STK10: variants seen among roughly 807,000 people sequenced by gnomAD.
STK10 encodes serine/threonine kinase 10.
STK10 carries 78 observed loss-of-function variants against 113.8 expected under a neutral mutation model. That is an observed-to-expected ratio of 0.69 (90% CI 0.57 to 0.83). The LOEUF is 0.83. Ranked by LOEUF, STK10 falls within the 40% of genes least tolerant of loss-of-function variation. STK10 has a pLI of 0.00. For synonymous variants in STK10, 465 were observed against 494.7 expected, an observed-to-expected ratio of 0.94 and a Z score of 0.80; for missense variants, 1,109 against 1,280.1, an observed-to-expected ratio of 0.87 and a Z score of 2.04.
rs560934977 is a variant in STK10 at position 172,043,558 on chromosome 5, T to A, written c.*1324A>T. The A allele has an allele frequency of 3.3e-5, 5 of 152,344 alleles. No homozygotes were observed. Among genetic ancestry groups the A allele is most frequent in the African/African-American group, 9.6e-5 (4 of 41,572 alleles). The allele number at this position is 152,344 out of a possible 1,614,324, so 9.4% of individuals were successfully genotyped here. ...GGAGAAACCATACATTTTATAGTTG[T>A]TTCAATAAAATAATTAGAAATCAGG... On this transcript the variant is annotated 3_prime_UTR_variant, in exon 19 of 19. Coordinates refer to ENST00000176763, the MANE Select transcript of STK10 (RefSeq NM_005990.4).
chr5:172,076,350 C>T (rs1205866753), intron 12 of STK10, among the ~76,000 whole-genome samples: 1 of 83,008 alleles, frequency 1.2e-5, no homozygotes. Context: ...CTGTCCTGTG[C>T]GTTAGTTGTG....
intron 3 of STK10, 70 bp from the exon 4 acceptor site, chr5:172,117,700 C>T (rs1055567717): frequency 4.8e-5 from 76 of 1,584,648 alleles, no homozygotes; most frequent in Non-Finnish European, 5.8e-5. Flanking sequence ...GTCAGGCCCA[C>T]GCCAGGGAGA....
chr5:172,180,636 C>T (rs1351029324), intron 1 of STK10, among the ~76,000 whole-genome samples: 2 of 131,840 alleles, frequency 1.5e-5, no homozygotes, highest in African/African-American at 3.5e-5. Flanking sequence ...ACTAAAAATA[C>T]AACAACAACA....
In STK10 at chr5:172,136,937, T is replaced by C. The variant is rs373655746; in HGVS notation, c.322-9516A>G. On this transcript the variant is annotated intron_variant, in intron 2 of 18. Coordinates refer to ENST00000176763, the MANE Select transcript of STK10 (RefSeq NM_005990.4). Reference sequence around the variant, plus strand: ...GTTTGCTGCACCCATCAACCCATCATCTACATTAAATATTTCTCCTAATGC... The same window carrying C: ...GTTTGCTGCACCCATCAACCCATCACCTACATTAAATATTTCTCCTAATGC... 2.6e-5 allele frequency among the ~76,000 whole-genome samples: 4 copies of C among 152,150 alleles called. No individual in the cohort carries two copies. In the East Asian group the frequency reaches 7.7e-4, roughly 29 times the overall value.
At chr5:172,078,619 TAAAAAAAAA>T (rs58823824) in intron 12 of STK10, among the ~76,000 whole-genome samples, 6 of 72,878 alleles carry the variant, frequency 8.2e-5, no homozygotes, top group East Asian at 1.4e-3. Flanking sequence ...GCCTCATCAT[TAAAAAAAAA>T]AAAAAAAAAA....
chr5:172,182,140 TA>T (rs1047381285), intron 1 of STK10, among the ~76,000 whole-genome samples: 4 of 151,592 alleles, frequency 2.6e-5, no homozygotes, highest in African/African-American at 9.7e-5. Context: ...CCGTCTCTAC[TA>T]AAAATACAAA....
intron 2 of STK10, among the ~76,000 whole-genome samples, chr5:172,156,050 A>G (rs1379576683): frequency 6.6e-6 from 1 of 152,092 alleles, no homozygotes; most frequent in Non-Finnish European, 1.5e-5. Context: ...TGGCGCTTGA[A>G]GCTACAACCA....
intron 1 of STK10, among the ~76,000 whole-genome samples, chr5:172,174,166 T>C (rs1770711867): frequency 6.6e-6 from 1 of 151,982 alleles, no homozygotes; most frequent in Non-Finnish European, 1.5e-5. Flanking sequence ...TTTTTTGTTG[T>C]TGTTGTTGTT....
chr5:172,185,139 A>C (rs1399996109), intron 1 of STK10, among the ~76,000 whole-genome samples: 1 of 152,160 alleles, frequency 6.6e-6, no homozygotes, highest in Non-Finnish European at 1.5e-5. Context: ...TCTTACCAGC[A>C]TGAAAGCAAA....
chr5:172,076,628 T>C (rs1037414140), intron 12 of STK10, among the ~76,000 whole-genome samples: 4 of 152,248 alleles, frequency 2.6e-5, no homozygotes, highest in African/African-American at 7.2e-5. Context: ...ATATTGCCAA[T>C]TGGCCCCCAC....
chr5:172,144,840 A>C (rs1228936960), intron 2 of STK10, among the ~76,000 whole-genome samples: 1 of 152,018 alleles, frequency 6.6e-6, no homozygotes, highest in African/African-American at 2.4e-5. Context: ...CTAAGGGATG[A>C]CTTAGATACC....
chr5:172,067,456 A>G (rs1415403408), intron 12 of STK10, among the ~76,000 whole-genome samples: 1 of 151,934 alleles, frequency 6.6e-6, no homozygotes, highest in African/African-American at 2.4e-5. Flanking sequence ...CTACATACAA[A>G]GAATCAGGAA....
chr5:172,144,993 G>T (rs2113804715), intron 2 of STK10, among the ~76,000 whole-genome samples: 1 of 152,234 alleles, frequency 6.6e-6, no homozygotes, highest in South Asian at 2.1e-4. Flanking sequence ...TGGCCCACAG[G>T]TCGCAAGCAC....
chr5:172,178,647 G>A (rs961218076), intron 1 of STK10, among the ~76,000 whole-genome samples: 3 of 152,212 alleles, frequency 2.0e-5, no homozygotes, highest in African/African-American at 7.2e-5. Context: ...GCTGAGACAA[G>A]CCACTTGCCT....
Position 172,187,631 on chromosome 5 carries a change from C to T in STK10, c.156+256G>A, listed in dbSNP as rs1364957537. ...GGCGCCGAGCGCAGTGCAGGACACACAGGAAGTGCTCCGAAACAGGGCTAG... is the reference window on the plus strand; with the variant it reads ...GGCGCCGAGCGCAGTGCAGGACACATAGGAAGTGCTCCGAAACAGGGCTAG... On this transcript the variant is annotated intron_variant, in intron 1 of 18. Coordinates refer to ENST00000176763, the MANE Select transcript of STK10 (RefSeq NM_005990.4). The surrounding 1 kb of genome is among the most constrained non-coding windows in gnomAD (Gnocchi z 4.6). Among the ~76,000 whole-genome samples the T allele has an allele frequency of 6.6e-6, 1 of 152,252 alleles. No individual in the cohort carries two copies. The highest frequency in any genetic ancestry group is 1.5e-5 in the Non-Finnish European group (1 of 68,046).
At chr5:172,075,998 T>C (rs897379069) in intron 12 of STK10, among the ~76,000 whole-genome samples, 1 of 151,746 alleles carries the variant, frequency 6.6e-6, no homozygotes, top group African/African-American at 2.4e-5. Flanking sequence ...GTCTCTTCTT[T>C]CAATTCTTGG....
In STK10 at chr5:172,093,165, T is replaced by C. The variant is rs1768757930; in HGVS notation, c.1554+247A>G. On this transcript the variant is annotated intron_variant, in intron 9 of 18. Coordinates refer to ENST00000176763, the MANE Select transcript of STK10 (RefSeq NM_005990.4). The surrounding 1 kb of genome is among the most constrained non-coding windows in gnomAD (Gnocchi z 4.1). ...TTGTAGCTAAGGCCTAAGAGTTCTC[T>C]CTCCCAAATTTTACCAGGGCCTTTT... Among the ~76,000 whole-genome samples, 1 of 152,192 alleles carries C rather than the reference T, an allele frequency of 6.6e-6. No individual in the cohort carries two copies. The highest frequency in any genetic ancestry group is 1.5e-5 in the Non-Finnish European group (1 of 68,034).
At chr5:172,058,463 G>C (rs1767852849) in intron 14 of STK10, among the ~76,000 whole-genome samples, 1 of 152,218 alleles carries the variant, frequency 6.6e-6, no homozygotes, top group African/African-American at 2.4e-5. Context: ...GATGAGGCCT[G>C]TTTTATAAAT....
intron 2 of STK10, among the ~76,000 whole-genome samples, chr5:172,148,302 G>A (rs925865609): frequency 6.6e-6 from 1 of 152,236 alleles, no homozygotes; most frequent in Non-Finnish European, 1.5e-5. Flanking sequence ...GTGAGTGACA[G>A]GGTGGGGGGC....
Sources: allele counts gnomAD v4.1 joint callset (sites outside exome capture counted in the v4.1 genomes callset), GRCh38; gene constraint gnomAD v4.1.1; non-coding constraint Gnocchi (gnomAD v3.1); transcripts MANE v1.5; gene names NCBI Gene and HGNC (gene_info 2026-07-23, HGNC 2026-07-21).